The following QTGAL variants were observed in gnomAD, a reference collection of about 807,000 sequenced individuals.
The protein encoded by QTGAL is BGnT-like protein 1.
At chr17:82,987,542 A>C in the QTGAL span, among the ~76,000 whole-genome samples, 3 of 152,188 alleles carry the variant, frequency 2.0e-5, no homozygotes, top group East Asian at 5.8e-4. Flanking sequence ...GGACAACCTA[A>C]GTCTTTGGAC....
At chr17:83,031,722 C>A in the QTGAL span, among the ~76,000 whole-genome samples, 1 of 152,292 alleles carries the variant, frequency 6.6e-6, no homozygotes, top group East Asian at 1.9e-4. Flanking sequence ...TGGGGTGGGT[C>A]CCAGGGAGGA....
chr17:83,051,678 G>C, the QTGAL span: 3 of 1,390,776 alleles, frequency 2.2e-6, no homozygotes, highest in Non-Finnish European at 1.9e-6. Context: ...TGGAGGGCGG[G>C]GTGAGGGGAC....
the QTGAL span, among the ~76,000 whole-genome samples, chr17:82,958,229 A>G: frequency 5.9e-5 from 9 of 152,232 alleles, no homozygotes; most frequent in African/African-American, 2.2e-4. Context: ...CAGGGGATGC[A>G]GAGGCCAACG....
chr17:83,015,714 T>C, the QTGAL span, among the ~76,000 whole-genome samples: 1 of 152,160 alleles, frequency 6.6e-6, no homozygotes, highest in Admixed American at 6.5e-5. The surrounding 1 kb of genome is among the most constrained non-coding windows in gnomAD (Gnocchi z 4.4). Flanking sequence ...GAGCTGCCCC[T>C]CCTGTCAGAG....
At chr17:83,013,914 C>A in the QTGAL span, among the ~76,000 whole-genome samples, 10 of 152,168 alleles carry the variant, frequency 6.6e-5, no homozygotes, top group African/African-American at 2.2e-4. Flanking sequence ...GGCTGAGACA[C>A]CAGCTCCAGG....
chr17:83,049,991 G>T, the QTGAL span, among the ~76,000 whole-genome samples: 1 of 152,278 alleles, frequency 6.6e-6, no homozygotes, highest in African/African-American at 2.4e-5. Flanking sequence ...AAGAAAAGTT[G>T]AAATTGTGTT....
the QTGAL span, chr17:82,946,901 C>T: frequency 2.1e-5 from 33 of 1,562,018 alleles, no homozygotes; most frequent in East Asian, 2.8e-4. Flanking sequence ...GCCATGGGTC[C>T]GTCAGCTGAA....
At chr17:82,951,600 G>A in the QTGAL span, among the ~76,000 whole-genome samples, 3,090 of 152,216 alleles carry the variant, frequency 0.02, 101 homozygotes, top group African/African-American at 0.069. Context: ...TTGGCTAACC[G>A]TTAGGCTGAA....
chr17:83,037,347 C>T, the QTGAL span, among the ~76,000 whole-genome samples: 1 of 152,172 alleles, frequency 6.6e-6, no homozygotes, highest in Non-Finnish European at 1.5e-5. The surrounding 1 kb of genome is among the most constrained non-coding windows in gnomAD (Gnocchi z 5.2). Flanking sequence ...ACAGAGTCTC[C>T]CACCCTCTCT....
the QTGAL span, among the ~76,000 whole-genome samples, chr17:82,953,074 GC>G: frequency 6.6e-6 from 1 of 152,150 alleles, no homozygotes; most frequent in Non-Finnish European, 1.5e-5. Flanking sequence ...AGTGCTAAAT[GC>G]CCACATCAGA....
the QTGAL span, among the ~76,000 whole-genome samples, chr17:83,045,199 A>G: frequency 6.6e-6 from 1 of 152,258 alleles, no homozygotes; most frequent in Non-Finnish European, 1.5e-5. Flanking sequence ...ACAAAGCTCA[A>G]GTAATCAAAA....
chr17:83,032,549 T>TGAA, the QTGAL span, among the ~76,000 whole-genome samples: 2 of 151,526 alleles, frequency 1.3e-5, no homozygotes, highest in African/African-American at 4.9e-5. Flanking sequence ...CAGACTGAGC[T>TGAA]CAGGGGCCCA....
the QTGAL span, among the ~76,000 whole-genome samples, chr17:82,946,684 T>G: frequency 5.9e-5 from 9 of 151,976 alleles, no homozygotes; most frequent in Admixed American, 4.6e-4. Flanking sequence ...TCAAAACAGA[T>G]AGAGTTCACC....
chr17:83,048,973 A>G, the QTGAL span: 5 of 593,676 alleles, frequency 8.4e-6, no homozygotes, highest in Non-Finnish European at 1.5e-5. Context: ...ACTGCCTTCT[A>G]CATGTTTTTG....
chr17:83,002,198 G>A, the QTGAL span, among the ~76,000 whole-genome samples: 2 of 151,960 alleles, frequency 1.3e-5, no homozygotes, highest in Non-Finnish European at 2.9e-5. Context: ...ACTCTTCTAT[G>A]GGCATCAAAG....
chr17:83,050,339 C>T, the QTGAL span, among the ~76,000 whole-genome samples: 1 of 151,978 alleles, frequency 6.6e-6, no homozygotes, highest in East Asian at 1.9e-4. Context: ...CATTGTACTC[C>T]AGCCTGGGCA....
the QTGAL span, among the ~76,000 whole-genome samples, chr17:83,024,827 G>A: frequency 1.0e-3 from 153 of 152,368 alleles, no homozygotes; most frequent in African/African-American, 3.4e-3. Context: ...CTGTGGCCAC[G>A]GGGCCTGGGC....
chr17:82,969,767 C>T, the QTGAL span, among the ~76,000 whole-genome samples: 1 of 152,184 alleles, frequency 6.6e-6, no homozygotes, highest in African/African-American at 2.4e-5. Context: ...GCAGCCTCAA[C>T]CTCCCCGGCT....
the QTGAL span, chr17:82,956,683 C>T: frequency 2.6e-6 from 4 of 1,564,382 alleles, no homozygotes; most frequent in Non-Finnish European, 3.5e-6. The surrounding 1 kb of genome is among the most constrained non-coding windows in gnomAD (Gnocchi z 5.7). Context: ...CGGCCAAGGG[C>T]CCCACACTCA....
Sources: gnomAD v4.1 joint callset for allele counts (sites outside exome capture counted in the v4.1 genomes callset) on GRCh38, gnomAD v4.1.1 for gene constraint, Gnocchi (gnomAD v3.1) non-coding constraint, MANE v1.5 for transcripts, NCBI Gene and HGNC (gene_info 2026-07-23, HGNC 2026-07-21) for gene names.